The following SLC30A9 variants were observed in gnomAD, a reference collection of about 807,000 sequenced individuals.
SLC30A9 encodes solute carrier family 30 member 9, also known as proton-coupled zinc antiporter SLC30A9, mitochondrial.
SLC30A9 carries 58 observed loss-of-function variants against 87.5 expected under a neutral mutation model. The ratio of observed to expected loss-of-function variants is 0.66; its 90% CI spans 0.54 to 0.82. SLC30A9 has a LOEUF of 0.82. Among genes scored for constraint, SLC30A9 ranks in the 40% least tolerant of loss-of-function variants. The probability of loss-of-function intolerance (pLI) is 0.00; values close to 1 mark genes in which losing one functional copy is unlikely to be tolerated. For missense variants in SLC30A9, 557 were observed against 679.1 expected, an observed-to-expected ratio of 0.82 and a Z score of 2.00; for synonymous variants, 234 against 233.0, an observed-to-expected ratio of 1.00 and a Z score of -0.04.
Position 42,087,920 on chromosome 4 carries a change from A to G in SLC30A9, c.*1794A>G, listed in dbSNP as rs551775878. On this transcript the variant is annotated 3_prime_UTR_variant, in exon 18 of 18. Coordinates refer to ENST00000264451, the MANE Select transcript of SLC30A9 (RefSeq NM_006345.4). ...TCTGAAAAATTTCACAAAGCCAGAC[A>G]AGAATAATTACTCATTTTTTTTCCC... is the stretch of plus-strand genomic sequence containing the variant. 1 of 152,020 alleles carries G rather than the reference A, an allele frequency of 6.6e-6. No homozygotes were observed. Among genetic ancestry groups the G allele is most frequent in the African/African-American group, 2.4e-5 (1 of 41,530 alleles). The allele number at this position is 152,020 out of a possible 1,614,324, so 9.4% of individuals were successfully genotyped here. A position where few individuals can be genotyped will look rare whatever the true frequency, so the allele number is the denominator to read the frequency against.
chr4:42,035,698 G>A (rs1716651074), intron 7 of SLC30A9, among the ~76,000 whole-genome samples: 1 of 152,006 alleles, frequency 6.6e-6, no homozygotes, highest in Non-Finnish European at 1.5e-5. Context: ...GTTTCACCAT[G>A]TTGGCTAGGT....
intron 6 of SLC30A9, among the ~76,000 whole-genome samples, chr4:42,028,515 A>G (rs1228790743): frequency 1.3e-5 from 2 of 152,246 alleles, no homozygotes; most frequent in East Asian, 3.8e-4. Context: ...GGTGGTAAAA[A>G]TACATGTGGA....
rs1264747665 is a variant in SLC30A9 at position 42,067,147 on chromosome 4, G to C, written c.1207G>C (p.Gly403Arg). The C allele has an allele frequency of 6.2e-7, 1 of 1,612,674 alleles. No homozygotes were observed. Among genetic ancestry groups the C allele is most frequent in the Non-Finnish European group, 8.5e-7 (1 of 1,179,016 alleles). Reference protein sequence around the residue: ...ILLEDTAAVLGVIIAATCMGL... With the variant: ...ILLEDTAAVLRVIIAATCMGL... The stretch of plus-strand genomic sequence containing the variant: ...ATTGGAGGATACTGCTGCAGTCTTG[G>C]GAGTTATAATAGCAGCCACTTGCAT... The change falls in exon 14 of 18, where the codon GGA becomes CGA. Residue 403 changes from glycine to arginine, a missense_variant. Around this residue, in one of 2 missense-constraint regions of SLC30A9, gnomAD observed 467 missense variants for 529.8 expected, o/e 0.88. Coordinates refer to ENST00000264451, the MANE Select transcript of SLC30A9 (RefSeq NM_006345.4).
At chr4:42,001,919 A>T in intron 2 of SLC30A9, 139 bp downstream of exon 2, 1 of 557,078 alleles carries the variant, frequency 1.8e-6, no homozygotes, top group Non-Finnish European at 3.1e-6. Context: ...CTATTAAAGC[A>T]CTTATTTAAT....
chr4:41,998,042 A>G (rs1261338161), intron 1 of SLC30A9, among the ~76,000 whole-genome samples: 1 of 151,570 alleles, frequency 6.6e-6, no homozygotes, highest in East Asian at 1.9e-4. Context: ...TTTGTGTGAG[A>G]GAAAAAGAGT....
chr4:42,076,759 C>T (rs964216867), intron 16 of SLC30A9, among the ~76,000 whole-genome samples: 92 of 151,894 alleles, frequency 6.1e-4, no homozygotes, highest in African/African-American at 2.1e-3. Context: ...GTCAAGAGAT[C>T]GATCCCATCC....
chr4:42,068,141 A>G (rs1718158638), intron 14 of SLC30A9, among the ~76,000 whole-genome samples: 1 of 152,006 alleles, frequency 6.6e-6, no homozygotes, highest in African/African-American at 2.4e-5. Context: ...TTAAAAATGT[A>G]TATGTAGCCC....
At chr4:41,990,860 G>T (rs532705986) in intron 1 of SLC30A9, 100 bp downstream of exon 1, 7 of 831,804 alleles carry the variant, frequency 8.4e-6, no homozygotes, top group Non-Finnish European at 1.4e-5. Context: ...CTTGCCTTTC[G>T]CCAACCTCAG....
intron 6 of SLC30A9, among the ~76,000 whole-genome samples, chr4:42,029,003 T>G (rs1716305062): frequency 6.6e-6 from 1 of 152,248 alleles, no homozygotes; most frequent in South Asian, 2.1e-4. Context: ...AGATACATTA[T>G]TTGAATCAAA....
chr4:42,032,576 G>A (rs1020336826), intron 6 of SLC30A9, among the ~76,000 whole-genome samples: 4 of 152,108 alleles, frequency 2.6e-5, no homozygotes, highest in Non-Finnish European at 5.9e-5. Context: ...CAATAACCCA[G>A]GAAGAAAAGG....
chr4:42,053,090 A>C (rs1195677198), intron 9 of SLC30A9, among the ~76,000 whole-genome samples: 5 of 152,214 alleles, frequency 3.3e-5, no homozygotes, highest in Non-Finnish European at 2.9e-5. Context: ...GGAAACATGA[A>C]TGGTGGCCAG....
At chr4:42,005,377 T>C (rs2581448) in intron 2 of SLC30A9, among the ~76,000 whole-genome samples, 98,595 of 152,166 alleles carry the variant, frequency 0.65, 36,078 homozygotes, top group East Asian at 0.96. Flanking sequence ...GTGTTAGGGT[T>C]CACTTGTCTG....
chr4:42,032,366 T>C (rs1354181284), intron 6 of SLC30A9, among the ~76,000 whole-genome samples: 1 of 152,204 alleles, frequency 6.6e-6, no homozygotes, highest in Admixed American at 6.5e-5. Flanking sequence ...ATTTTATTTA[T>C]TTTTGTTATT....
Position 42,063,119 on chromosome 4 carries a change from T to C in SLC30A9, c.1030T>C (p.Trp344Arg). 6.2e-7 allele frequency: 1 copy of C among 1,612,696 alleles called. No homozygotes were observed. Among genetic ancestry groups the C allele is most frequent in the Non-Finnish European group, 8.5e-7 (1 of 1,179,530 alleles). The change falls in exon 11 of 18, where the codon TGG (tryptophan) becomes CGG (arginine). Residue 344 changes from tryptophan (W) to arginine (R), a missense_variant and splice_region_variant. Physicochemically the swap from Trp to Arg is moderately radical, Grantham distance 101. Around this residue, in one of 2 missense-constraint regions of SLC30A9, gnomAD observed 467 missense variants for 529.8 expected, o/e 0.88. Coordinates refer to ENST00000264451, the MANE Select transcript of SLC30A9 (RefSeq NM_006345.4). ...TCCTCAACCAATAGAATCCCTTCTATGGGTAATCCTCTTTTTTTCTCCTCA... is the reference window on the plus strand; with the variant it reads ...TCCTCAACCAATAGAATCCCTTCTACGGGTAATCCTCTTTTTTTCTCCTCA... ...LHPQPIESLL[W>R]AYCILAGSLV...
intron 9 of SLC30A9, among the ~76,000 whole-genome samples, chr4:42,054,577 G>A (rs1457196636): frequency 2.0e-5 from 3 of 149,896 alleles, no homozygotes; most frequent in Admixed American, 1.3e-4. Flanking sequence ...TGCAAGCTCC[G>A]CCTCCCAGGT....
intron 2 of SLC30A9, among the ~76,000 whole-genome samples, chr4:42,010,580 C>T (rs1373836177): frequency 6.6e-6 from 1 of 152,186 alleles, no homozygotes; most frequent in African/African-American, 2.4e-5. Flanking sequence ...CTAAAAATTA[C>T]CTGTAAAATA....
At chr4:42,017,363 T>A (rs534465514) in intron 2 of SLC30A9, among the ~76,000 whole-genome samples, 1 of 99,870 alleles carries the variant, frequency 1.0e-5, no homozygotes, top group South Asian at 4.3e-4. Flanking sequence ...TTGCGGCCTT[T>A]CTTTTTTCTC....
intron 8 of SLC30A9, among the ~76,000 whole-genome samples, chr4:42,043,054 A>G (rs1255822754): frequency 6.6e-6 from 1 of 152,192 alleles, no homozygotes; most frequent in Non-Finnish European, 1.5e-5. Flanking sequence ...GGATGTCCAC[A>G]CAAAAACCCC....
At chr4:42,051,845 A>G (rs988297412) in intron 9 of SLC30A9, among the ~76,000 whole-genome samples, 2 of 152,112 alleles carry the variant, frequency 1.3e-5, no homozygotes, top group South Asian at 2.1e-4. Context: ...ATGTTTTTCT[A>G]CTGCTTTAAT....
Sources: allele counts gnomAD v4.1 joint callset (sites outside exome capture counted in the v4.1 genomes callset), GRCh38; gene constraint gnomAD v4.1.1; regional missense constraint gnomAD v4.1.1; transcripts MANE v1.5; gene names NCBI Gene and HGNC (gene_info 2026-07-23, HGNC 2026-07-21).